Variants in EPHA3 observed in about 807,000 individuals in gnomAD.
The protein encoded by EPHA3 is ephrin type-A receptor 3.
In EPHA3, 42 loss-of-function variants were observed where a neutral mutation model predicts 107.1. The ratio of observed to expected loss-of-function variants is 0.39; its 90% CI spans 0.31 to 0.51. The LOEUF (loss-of-function observed/expected upper bound fraction) is 0.51. Ranked by LOEUF, EPHA3 falls within the 20% of genes least tolerant of loss-of-function variation. EPHA3 has a pLI of 0.78. For missense variants in EPHA3, 1,183 were observed against 1,211.2 expected, an observed-to-expected ratio of 0.98 and a Z score of 0.35; for synonymous variants, 461 against 424.8, an observed-to-expected ratio of 1.09 and a Z score of -1.05.
intron 5 of EPHA3, among the ~76,000 whole-genome samples, chr3:89,383,334 G>A (rs933766344): frequency 1.5e-4 from 23 of 152,240 alleles, no homozygotes; most frequent in African/African-American, 5.3e-4. Context: ...TAGCCTTTCC[G>A]AATAGTTTTC....
At chr3:89,323,257 T>C (rs1323746190) in intron 3 of EPHA3, among the ~76,000 whole-genome samples, 1 of 152,108 alleles carries the variant, frequency 6.6e-6, no homozygotes, top group African/African-American at 2.4e-5. Flanking sequence ...CTAATGTGTA[T>C]TAGAGAATAT....
At chr3:89,307,033 C>T (rs1706640397) in intron 3 of EPHA3, among the ~76,000 whole-genome samples, 1 of 152,120 alleles carries the variant, frequency 6.6e-6, no homozygotes, top group African/African-American at 2.4e-5. Context: ...GACATTAAAA[C>T]ATAGATGAAT....
chr3:89,399,174 G>T, intron 6 of EPHA3, 144 bp from the exon 7 acceptor site: 6 of 761,722 alleles, frequency 7.9e-6, no homozygotes, highest in Non-Finnish European at 1.2e-5. Context: ...TAAAATAATT[G>T]AAATAATCGA....
intron 3 of EPHA3, among the ~76,000 whole-genome samples, chr3:89,312,533 T>C (rs1706788968): frequency 6.6e-6 from 1 of 151,768 alleles, no homozygotes; most frequent in Admixed American, 6.6e-5. Context: ...TAAGTATTAT[T>C]TTTTCTTATT....
chr3:89,184,576 T>C (rs1705518493), intron 2 of EPHA3, among the ~76,000 whole-genome samples: 1 of 152,072 alleles, frequency 6.6e-6, no homozygotes, highest in African/African-American at 2.4e-5. Context: ...CAAACTCTTA[T>C]GTTTTTCAGG....
chr3:89,348,569 C>T (rs1463895375), intron 5 of EPHA3, among the ~76,000 whole-genome samples: 1 of 141,908 alleles, frequency 7.0e-6, no homozygotes, highest in East Asian at 2.0e-4. Flanking sequence ...AAAACCAGCT[C>T]CTGGATTCAT....
chr3:89,440,836 T>C (rs1455462320), intron 13 of EPHA3, among the ~76,000 whole-genome samples: 1 of 152,216 alleles, frequency 6.6e-6, no homozygotes, highest in Non-Finnish European at 1.5e-5. Context: ...TAAAACTCTA[T>C]AGACGTAAAT....
chr3:89,181,802 C>T (rs190042028), intron 2 of EPHA3, among the ~76,000 whole-genome samples: 1 of 151,958 alleles, frequency 6.6e-6, no homozygotes, highest in African/African-American at 2.4e-5. Context: ...AGATTGCATG[C>T]TCAGAAAGCT....
At chr3:89,409,454 A>G (rs559955763) in intron 9 of EPHA3, among the ~76,000 whole-genome samples, 291 of 151,568 alleles carry the variant, frequency 1.9e-3, no homozygotes, top group African/African-American at 6.7e-3. Context: ...TTTTTTTTTT[A>G]TGGGAAGCCT....
intron 2 of EPHA3, among the ~76,000 whole-genome samples, chr3:89,168,713 A>AT (rs1705136382): frequency 1.3e-5 from 2 of 152,026 alleles, no homozygotes; most frequent in Non-Finnish European, 2.9e-5. Flanking sequence ...ATAATTAGTA[A>AT]TTTTTTCTAA....
At chr3:89,153,366 A>T (rs1328438283) in intron 2 of EPHA3, among the ~76,000 whole-genome samples, 2 of 151,884 alleles carry the variant, frequency 1.3e-5, no homozygotes, top group Admixed American at 1.3e-4. Context: ...CAAAATGTAG[A>T]TTCATATATC....
chr3:89,361,653 AC>A (rs1372914644), intron 5 of EPHA3, among the ~76,000 whole-genome samples: 1 of 151,092 alleles, frequency 6.6e-6, no homozygotes, highest in East Asian at 1.9e-4. Context: ...AATGAAATTT[AC>A]CCTTTAAAGT....
intron 16 of EPHA3, among the ~76,000 whole-genome samples, chr3:89,477,601 C>A (rs1360343050): frequency 2.6e-5 from 4 of 151,924 alleles, no homozygotes; most frequent in African/African-American, 9.7e-5. Flanking sequence ...ATAAAGGAAT[C>A]CCCTCTGTGT....
intron 2 of EPHA3, among the ~76,000 whole-genome samples, chr3:89,189,845 AT>A (rs1204890481): frequency 2.6e-5 from 4 of 152,200 alleles, no homozygotes; most frequent in African/African-American, 9.7e-5. Context: ...AATTGTGTCC[AT>A]TATGATCTGC....
intron 2 of EPHA3, among the ~76,000 whole-genome samples, chr3:89,204,467 C>G (rs996084152): frequency 3.5e-5 from 5 of 141,744 alleles, no homozygotes; most frequent in Non-Finnish European, 7.5e-5. Context: ...ATGTAATTCT[C>G]TGATTTGACA....
intron 2 of EPHA3, among the ~76,000 whole-genome samples, chr3:89,183,788 G>A (rs1156664034): frequency 6.6e-6 from 1 of 151,694 alleles, no homozygotes; most frequent in African/African-American, 2.4e-5. Flanking sequence ...GTCACTTTTT[G>A]GGAACTGGGA....
chr3:89,429,684 C>A (rs1356625263), intron 12 of EPHA3, among the ~76,000 whole-genome samples: 1 of 149,744 alleles, frequency 6.7e-6, no homozygotes, highest in Non-Finnish European at 1.5e-5. Flanking sequence ...AAGCTTTATA[C>A]GTTTATCTAT....
chr3:89,262,658 C>A (rs553164494), intron 3 of EPHA3, among the ~76,000 whole-genome samples: 1 of 152,238 alleles, frequency 6.6e-6, no homozygotes, highest in Admixed American at 6.5e-5. Context: ...GACAGGGGTG[C>A]CTTGTTTACT....
chr3:89,283,737 G>C lies in EPHA3; in HGVS notation c.815-57179G>C, dbSNP rs1203084751. On this transcript the variant is annotated intron_variant, in intron 3 of 16. Coordinates refer to ENST00000336596, the MANE Select transcript of EPHA3 (RefSeq NM_005233.6). The stretch of plus-strand genomic sequence containing the variant: ...GCACAGCACGGTGAAACACAAGAGA[G>C]AATTGATGTTCTATAAACATGGAGG... Among the ~76,000 whole-genome samples, 4 of 152,174 alleles carry C rather than the reference G, an allele frequency of 2.6e-5. No individual in the cohort carries two copies. In the East Asian group the frequency reaches 7.7e-4, roughly 29 times the overall value.
Sources: allele counts gnomAD v4.1 joint callset (sites outside exome capture counted in the v4.1 genomes callset), GRCh38; gene constraint gnomAD v4.1.1; transcripts MANE v1.5; gene names NCBI Gene and HGNC (gene_info 2026-07-23, HGNC 2026-07-21).